SFMBT1: variants seen among roughly 807,000 people sequenced by gnomAD.
SFMBT1 encodes the protein Scm like with four mbt domains 1.
Under a neutral mutation model 108.7 loss-of-function variants are expected in SFMBT1, and 32 were observed. The ratio of observed to expected loss-of-function variants is 0.29; its 90% CI spans 0.22 to 0.40. The LOEUF (loss-of-function observed/expected upper bound fraction) is 0.40, where lower values mean the gene tolerates loss of function less well. Ranked by LOEUF, SFMBT1 falls within the 10% of genes least tolerant of loss-of-function variation. The probability of loss-of-function intolerance (pLI) is 1.00; values close to 1 mark genes in which losing one functional copy is unlikely to be tolerated. For missense variants in SFMBT1, 816 were observed against 1,059.6 expected (o/e 0.77, Z 3.19); for synonymous variants, 348 against 369.5 (o/e 0.94, Z 0.67).
intron 1 of SFMBT1, among the ~76,000 whole-genome samples, chr3:52,998,291 C>A (rs1339469641): frequency 1.3e-5 from 2 of 150,006 alleles, no homozygotes; most frequent in Admixed American, 1.3e-4. Context: ...ACTCCGGAGG[C>A]TGAGGCAGGA....
At chr3:52,992,072 G>A (rs1349077460) in intron 1 of SFMBT1, among the ~76,000 whole-genome samples, 1 of 152,094 alleles carries the variant, frequency 6.6e-6, no homozygotes, top group African/African-American at 2.4e-5. Context: ...AAGCAGCTCC[G>A]CCACAAAGCC....
chr3:53,007,896 AATC>A (rs1286541613), intron 1 of SFMBT1, among the ~76,000 whole-genome samples: 18 of 152,334 alleles, frequency 1.2e-4, no homozygotes. Flanking sequence ...ACCTGAGTTT[AATC>A]ATGAGAAAAC....
At chr3:52,966,060 G>GT (rs1428587379) in intron 2 of SFMBT1, among the ~76,000 whole-genome samples, 1 of 145,272 alleles carries the variant, frequency 6.9e-6, no homozygotes, top group Non-Finnish European at 1.5e-5. Context: ...GCTCACGCCT[G>GT]TAATTCCAGC....
At chr3:52,974,323 G>A (rs1383738781) in intron 1 of SFMBT1, among the ~76,000 whole-genome samples, 2 of 152,176 alleles carry the variant, frequency 1.3e-5, no homozygotes, top group African/African-American at 4.8e-5. Flanking sequence ...CAAATCAGAT[G>A]CTCCATTTTC....
At chr3:52,967,041 A>G (rs1210409954) in intron 2 of SFMBT1, among the ~76,000 whole-genome samples, 1 of 151,764 alleles carries the variant, frequency 6.6e-6, no homozygotes, top group African/African-American at 2.4e-5. Context: ...ATCAAAATGG[A>G]ATTCTAAAAA....
chr3:53,042,043 T>C (rs1421103871), intron 1 of SFMBT1, among the ~76,000 whole-genome samples: 1 of 152,120 alleles, frequency 6.6e-6, no homozygotes, highest in East Asian at 1.9e-4. Context: ...GAAAGCAAAA[T>C]TTTGGAAAAT....
In SFMBT1 at chr3:52,920,546, G is replaced by T; in HGVS notation, c.1363C>A (p.Arg455=). The T allele has an allele frequency of 1.2e-6, 2 of 1,611,604 alleles. No individual in the cohort carries two copies. Among genetic ancestry groups the T allele is most frequent in the South Asian group, 1.1e-5 (1 of 90,974 alleles). Residue 455 remains arginine, a synonymous_variant, in exon 12 of 21, where the codon CGA becomes AGA. Transcript: ENST00000394752. The part of the protein sequence containing the change: ...TNGHPLSTPR[R]ARVYKQRKIA... Reference sequence around the variant, plus strand: ...AGAAATAGACAGATACCTCGTGCTCGGCGAGGAGTGCTGAGGGGGTGGCCG... The same window carrying T: ...AGAAATAGACAGATACCTCGTGCTCTGCGAGGAGTGCTGAGGGGGTGGCCG...
intron 1 of SFMBT1, among the ~76,000 whole-genome samples, chr3:52,972,841 AACACAC>A (rs55688451): frequency 6.6e-4 from 79 of 118,910 alleles, no homozygotes; most frequent in Admixed American, 1.9e-3. Flanking sequence ...ATCTCTACTA[AACACAC>A]ACACACACAC....
chr3:52,988,001 C>A (rs996660682), intron 1 of SFMBT1, among the ~76,000 whole-genome samples: 7 of 152,192 alleles, frequency 4.6e-5, no homozygotes, highest in Non-Finnish European at 7.3e-5. Context: ...CAGCCATCAT[C>A]AAAAATGTCA....
intron 1 of SFMBT1, among the ~76,000 whole-genome samples, chr3:52,976,945 C>T (rs1559534179): frequency 1.3e-5 from 2 of 152,066 alleles, no homozygotes; most frequent in Admixed American, 6.5e-5. Flanking sequence ...AAATGGAAGC[C>T]GTCATTATCA....
chr3:52,950,847 G>A (rs1334576951), intron 3 of SFMBT1, among the ~76,000 whole-genome samples: 1 of 151,974 alleles, frequency 6.6e-6, no homozygotes, highest in Non-Finnish European at 1.5e-5. Flanking sequence ...AGGCATGGTG[G>A]CTCATGGCAT....
chr3:52,948,825 A>ATTTTTTTTTTCTTTTTTTTTTTTTTTTTT (rs1703469182), intron 3 of SFMBT1, among the ~76,000 whole-genome samples: 1 of 78,284 alleles, frequency 1.3e-5, no homozygotes, highest in Non-Finnish European at 2.4e-5. Context: ...CTAATTTTTA[A>ATTTTTTTTTTCTTTTTTTTTTTTTTTTTT]TTTTTTTTTT....
intron 1 of SFMBT1, among the ~76,000 whole-genome samples, chr3:52,974,015 T>C (rs536324000): frequency 6.6e-6 from 1 of 152,278 alleles, no homozygotes; most frequent in Non-Finnish European, 1.5e-5. Context: ...GAAGTTGCAA[T>C]AATGCAAGAA....
chr3:53,041,278 T>C (rs1700043651), intron 1 of SFMBT1, among the ~76,000 whole-genome samples: 1 of 152,202 alleles, frequency 6.6e-6, no homozygotes, highest in Non-Finnish European at 1.5e-5. Context: ...AATCAAATCA[T>C]TAAGACTTAT....
chr3:52,916,029 T>A, intron 14 of SFMBT1, 121 bp downstream of exon 14: 2 of 741,512 alleles, frequency 2.7e-6, no homozygotes, highest in Non-Finnish European at 4.5e-6. Context: ...AAGTCACAAT[T>A]AAGAGACCCC....
At chr3:53,032,883 G>C (rs1355480178) in intron 1 of SFMBT1, among the ~76,000 whole-genome samples, 1 of 152,228 alleles carries the variant, frequency 6.6e-6, no homozygotes, top group African/African-American at 2.4e-5. Context: ...GGGAGTCCAG[G>C]AGGGAAGGCT....
intron 17 of SFMBT1, 71 bp downstream of exon 17, chr3:52,910,932 A>G (rs1559507333): frequency 6.9e-7 from 1 of 1,451,780 alleles, no homozygotes; most frequent in African/African-American, 1.4e-5. Flanking sequence ...ATGTCTGTAA[A>G]GTAAAAAACT....
At chr3:52,940,596 G>A (rs1017682441) in intron 4 of SFMBT1, among the ~76,000 whole-genome samples, 1 of 152,088 alleles carries the variant, frequency 6.6e-6, no homozygotes, top group Non-Finnish European at 1.5e-5. Context: ...TAGTATAGTA[G>A]AAAGCCAATT....
chr3:52,970,603 G>A (rs576620408), intron 1 of SFMBT1, among the ~76,000 whole-genome samples: 3 of 152,294 alleles, frequency 2.0e-5, no homozygotes, highest in African/African-American at 7.2e-5. Context: ...AACTGCAAGA[G>A]CGACAATACA....
Sources: allele counts gnomAD v4.1 joint callset (sites outside exome capture counted in the v4.1 genomes callset), GRCh38; gene constraint gnomAD v4.1.1; transcripts MANE v1.5; gene names NCBI Gene and HGNC (gene_info 2026-07-23, HGNC 2026-07-21).